Variants in DAB1 observed in about 807,000 individuals in gnomAD.
The protein encoded by DAB1 is disabled homolog 1.
A neutral mutation model predicts 64.6 loss-of-function variants in DAB1; 15 were observed. The ratio of observed to expected loss-of-function variants is 0.23; its 90% CI spans 0.16 to 0.36. The LOEUF (loss-of-function observed/expected upper bound fraction) is 0.36, where lower values mean the gene tolerates loss of function less well. DAB1 is among the 10% of genes least tolerant of loss of function. The pLI is 1.00. For synonymous variants in DAB1, 235 were observed against 251.9 expected (o/e 0.93, Z 0.64); for missense variants, 596 against 706.7 (o/e 0.84, Z 1.78).
At chr1:58,131,778 G>A (rs1477106164) in intron 5 of DAB1, among the ~76,000 whole-genome samples, 1 of 149,734 alleles carries the variant, frequency 6.7e-6, no homozygotes, top group African/African-American at 2.5e-5. Context: ...TCGGGGGTCA[G>A]GGGTCAGGGA....
intron 4 of DAB1, among the ~76,000 whole-genome samples, chr1:58,209,451 C>T (rs554009247): frequency 1.3e-5 from 2 of 152,078 alleles, no homozygotes; most frequent in African/African-American, 4.8e-5. Flanking sequence ...AGAACAACAA[C>T]AATGAAAACT....
intron 4 of DAB1, among the ~76,000 whole-genome samples, chr1:58,240,358 A>G (rs1660238127): frequency 6.6e-6 from 1 of 152,154 alleles, no homozygotes; most frequent in Non-Finnish European, 1.5e-5. Context: ...CCTTTTTGTC[A>G]TCCAGTTAGA....
intron 7 of DAB1, among the ~76,000 whole-genome samples, chr1:57,563,046 G>A (rs988497934): frequency 1.3e-5 from 2 of 152,194 alleles, no homozygotes; most frequent in South Asian, 2.1e-4. Flanking sequence ...AGCCCAATCT[G>A]GGCAGGACTA....
At position 58,426,527 on chromosome 1, in the gene DAB1, G is replaced by A. The variant is rs75306725; in HGVS notation, n.257+79533C>T. On this transcript the variant is annotated intron_variant and non_coding_transcript_variant, in intron 3 of 20. Coordinates refer to the DAB1 transcript ENST00000485760. ...CAGTCAACAAGCTGGAGATCCAGGG[G>A]AGCCAATGGCGTGGTTCTAGGCTGA... Among the ~76,000 whole-genome samples, 124 of 152,302 alleles carry A rather than the reference G, an allele frequency of 8.1e-4. 1 individual carries two copies. In the East Asian group the frequency reaches 0.014, roughly 17 times the overall value.
chr1:57,737,887 C>A (rs1000149799), intron 6 of DAB1, among the ~76,000 whole-genome samples: 1 of 152,184 alleles, frequency 6.6e-6, no homozygotes, highest in Admixed American at 6.5e-5. Flanking sequence ...CATCTGCCCC[C>A]CTCTGCCTCA....
chr1:57,812,165 T>G (rs1376095557), intron 6 of DAB1, among the ~76,000 whole-genome samples: 6 of 151,206 alleles, frequency 4.0e-5, no homozygotes, highest in African/African-American at 1.2e-4. Context: ...ATGGAGAAGG[T>G]GCCAGTATAA....
chr1:58,313,164 C>T (rs1662469420), intron 4 of DAB1, among the ~76,000 whole-genome samples: 1 of 152,038 alleles, frequency 6.6e-6, no homozygotes, highest in African/African-American at 2.4e-5. Flanking sequence ...AAATAGAACC[C>T]AGTAAGACAG....
chr1:57,389,199 C>T (rs1682130536), intron 1 of DAB1, among the ~76,000 whole-genome samples: 1 of 152,222 alleles, frequency 6.6e-6, no homozygotes, highest in South Asian at 2.1e-4. Flanking sequence ...AAACACACAT[C>T]CTTGACTTAT....
intron 5 of DAB1, among the ~76,000 whole-genome samples, chr1:58,015,491 T>C (rs1557610411): frequency 1.3e-5 from 2 of 152,178 alleles, no homozygotes; most frequent in Non-Finnish European, 2.9e-5. Context: ...GAGATAAACA[T>C]ATTGTCTAGT....
At chr1:57,478,416 T>C (rs908481429) in intron 7 of DAB1, among the ~76,000 whole-genome samples, 11 of 152,094 alleles carry the variant, frequency 7.2e-5, no homozygotes, top group Admixed American at 7.2e-4. Context: ...TGGCATTTTG[T>C]GGCAAGGACT....
intron 5 of DAB1, among the ~76,000 whole-genome samples, chr1:57,936,231 T>G (rs1645022593): frequency 6.6e-6 from 1 of 152,320 alleles, no homozygotes; most frequent in African/African-American, 2.4e-5. Context: ...CCTTCTGTGA[T>G]CCTCGGCTGG....
At chr1:57,356,015 G>A (rs1325536498) in intron 1 of DAB1, among the ~76,000 whole-genome samples, 1 of 151,518 alleles carries the variant, frequency 6.6e-6, no homozygotes, top group Non-Finnish European at 1.5e-5. Context: ...ATCACATTTA[G>A]TTCCAGATTT....
intron 5 of DAB1, among the ~76,000 whole-genome samples, chr1:58,107,079 C>A: frequency 6.7e-6 from 1 of 149,638 alleles, no homozygotes; most frequent in African/African-American, 2.5e-5. Context: ...AGCTTAATAG[C>A]TAGTAAAAAA....
At chr1:57,313,025 C>T (rs559187495) in intron 1 of DAB1, among the ~76,000 whole-genome samples, 3 of 152,110 alleles carry the variant, frequency 2.0e-5, no homozygotes, top group Non-Finnish European at 4.4e-5. Flanking sequence ...ATGAGGCTCT[C>T]GGAAAAGAAG....
At chr1:57,141,633 G>T (rs76239628) in intron 3 of DAB1, among the ~76,000 whole-genome samples, 324 of 152,206 alleles carry the variant, frequency 2.1e-3, no homozygotes, top group African/African-American at 7.7e-3. Flanking sequence ...GGTAGATTTT[G>T]GTTCTTTCAG....
intron 7 of DAB1, among the ~76,000 whole-genome samples, chr1:57,629,320 C>G (rs1181768206): frequency 6.6e-6 from 1 of 152,104 alleles, no homozygotes; most frequent in Non-Finnish European, 1.5e-5. Flanking sequence ...TATTTATAGA[C>G]TGATGTAGAT....
intron 3 of DAB1, among the ~76,000 whole-genome samples, chr1:58,392,882 T>C (rs1469768179): frequency 6.6e-6 from 1 of 152,194 alleles, no homozygotes; most frequent in Non-Finnish European, 1.5e-5. Context: ...TTCTTTGGCT[T>C]CTATGACTCT....
At chr1:57,028,763 A>G (rs1646870758) in intron 9 of DAB1, among the ~76,000 whole-genome samples, 1 of 152,152 alleles carries the variant, frequency 6.6e-6, no homozygotes, top group African/African-American at 2.4e-5. Flanking sequence ...AGACTTGTGG[A>G]ACTTTGAATT....
Position 57,145,294 on chromosome 1 carries a change from A to C in DAB1, c.203T>G (p.Leu68Arg). 1 of 1,614,078 alleles carries C rather than the reference A, an allele frequency of 6.2e-7. No homozygotes were observed. Among genetic ancestry groups the C allele is most frequent in the Non-Finnish European group, 8.5e-7 (1 of 1,179,956 alleles). The stretch of plus-strand genomic sequence containing the variant: ...AAGAAAACGTTTGCATAGCACCTTG[A>C]GTTTCATCATGGAATCTTGACATAA... Reference protein sequence around the residue: ...DKLCQDSMMKLKGVVAGARSK... With the variant: ...DKLCQDSMMKRKGVVAGARSK... Residue 68 changes from leucine to arginine, a missense_variant, in exon 3 of 15, where the codon CTC becomes CGC. Physicochemically the swap from Leu to Arg is moderately radical, Grantham distance 102. Around this residue, in one of 3 missense-constraint regions of DAB1, gnomAD observed 176 missense variants for 266.7 expected, o/e 0.66. Transcript: ENST00000371236.
Sources: allele counts gnomAD v4.1 joint callset (sites outside exome capture counted in the v4.1 genomes callset), GRCh38; gene constraint gnomAD v4.1.1; regional missense constraint gnomAD v4.1.1; transcripts MANE v1.5; gene names NCBI Gene and HGNC (gene_info 2026-07-23, HGNC 2026-07-21).